The following CNTNAP3B variants were observed in gnomAD, a reference collection of about 807,000 sequenced individuals.
CNTNAP3B encodes contactin-associated protein-like 3B.
In CNTNAP3B, 25 loss-of-function variants were observed where a neutral mutation model predicts 108.9. The observed-to-expected ratio is 0.23, with a 90% CI of 0.17 to 0.32. CNTNAP3B has a LOEUF of 0.32. CNTNAP3B is among the 10% of genes least tolerant of loss of function. The pLI is 1.00. For synonymous variants in CNTNAP3B, 103 were observed against 473.4 expected (o/e 0.22, Z 10.16); for missense variants, 252 against 1,210.4 (o/e 0.21, Z 11.75).
intron 1 of CNTNAP3B, among the ~76,000 whole-genome samples, chr9:42,110,606 C>T (rs1468967415): frequency 1.5e-5 from 2 of 137,306 alleles, no homozygotes; most frequent in African/African-American, 5.8e-5. Flanking sequence ...TCACTAACTC[C>T]ACAGCAGGCT....
chr9:41,931,979 A>G (rs1436503146), intron 14 of CNTNAP3B, among the ~76,000 whole-genome samples: 1 of 152,204 alleles, frequency 6.6e-6, no homozygotes, highest in African/African-American at 2.4e-5. Flanking sequence ...GGCAGATACT[A>G]TAATAAAGTC....
intron 2 of CNTNAP3B, among the ~76,000 whole-genome samples, chr9:42,086,398 A>AATT (rs1554755511): frequency 5.4e-4 from 54 of 99,312 alleles, no homozygotes; most frequent in Non-Finnish European, 8.7e-4. Flanking sequence ...ATATATATAA[A>AATT]TTTTTTTTAC....
chr9:42,086,632 A>C (rs1304108441), intron 2 of CNTNAP3B, among the ~76,000 whole-genome samples: 1 of 84,958 alleles, frequency 1.2e-5, no homozygotes, highest in African/African-American at 5.6e-5. Flanking sequence ...TTTAGTGGAC[A>C]CTGGGTTTCG....
intron 13 of CNTNAP3B, among the ~76,000 whole-genome samples, chr9:41,940,232 C>A (rs1373162279): frequency 2.0e-5 from 3 of 152,292 alleles, no homozygotes; most frequent in Non-Finnish European, 4.4e-5. Flanking sequence ...AAGATACAAA[C>A]CCACAGATTT....
chr9:41,945,467 G>A (rs953785672), intron 13 of CNTNAP3B, among the ~76,000 whole-genome samples: 6 of 152,308 alleles, frequency 3.9e-5, no homozygotes, highest in African/African-American at 1.4e-4. Flanking sequence ...TCCTTTGTAG[G>A]GCCATGGATG....
At chr9:41,942,874 T>G (rs1824402936) in intron 13 of CNTNAP3B, among the ~76,000 whole-genome samples, 1 of 152,228 alleles carries the variant, frequency 6.6e-6, no homozygotes, top group African/African-American at 2.4e-5. Flanking sequence ...GCCTAACTAC[T>G]AACCAGATAA....
At chr9:41,977,620 CT>C (rs1174385380) in intron 9 of CNTNAP3B, among the ~76,000 whole-genome samples, 34 of 116,512 alleles carry the variant, frequency 2.9e-4, no homozygotes, top group East Asian at 4.8e-4. Flanking sequence ...TGAATTTTAC[CT>C]TTTTTTTTTT....
chr9:41,937,796 T>G (rs1285725761), intron 14 of CNTNAP3B, among the ~76,000 whole-genome samples: 1 of 152,022 alleles, frequency 6.6e-6, no homozygotes, highest in Non-Finnish European at 1.5e-5. Flanking sequence ...AGTCCTTTTA[T>G]GCAGGACCTC....
chr9:42,015,597 G>A, intron 3 of CNTNAP3B, among the ~76,000 whole-genome samples: 1 of 67,172 alleles, frequency 1.5e-5, no homozygotes, highest in South Asian at 4.7e-4. Flanking sequence ...GATAACACCT[G>A]GAAATCAATC....
At chr9:41,928,595 C>T (rs1302090581) in intron 15 of CNTNAP3B, among the ~76,000 whole-genome samples, 1 of 152,292 alleles carries the variant, frequency 6.6e-6, no homozygotes, top group Admixed American at 6.5e-5. Context: ...GCTCAGGCTC[C>T]TTGTTGAACC....
In CNTNAP3B at chr9:41,986,191, G is replaced by C. The variant is rs1293449999; in HGVS notation, c.1454C>G (p.Ser485Ter). Residue 485 changes from serine to a stop codon, truncating the protein, a stop_gained, in exon 9 of 24, where the codon TCA becomes TGA. Transcript: ENST00000377561. LOFTEE classifies it high-confidence loss of function. ...VQPLVAVLID[S>*]GDTYYFGGCL... is the part of the protein sequence containing the mutation. ...ACCTCCAAAATAATAGGTGTCACCT[G>C]AATCAATGAGCACAGCCACCAGGGG... 8.9e-7 allele frequency: 1 copy of C among 1,125,990 alleles called. No individual in the cohort carries two copies. Among genetic ancestry groups the C allele is most frequent in the Non-Finnish European group, 1.2e-6 (1 of 837,570 alleles). The allele number at this position is 1,125,990 out of a possible 1,614,324, so 69.7% of individuals were successfully genotyped here. A position where few individuals can be genotyped will look rare whatever the true frequency, so the allele number is the denominator to read the frequency against.
At chr9:41,954,255 C>T (rs1289844595) in intron 12 of CNTNAP3B, among the ~76,000 whole-genome samples, 18 of 152,244 alleles carry the variant, frequency 1.2e-4, no homozygotes, top group South Asian at 2.1e-4. Flanking sequence ...TTAAGAACTA[C>T]GAAACAAAAC....
At position 41,913,638 on chromosome 9, in the gene CNTNAP3B, C is replaced by A. The variant is rs560170703; in HGVS notation, c.2996-4857G>T. On this transcript the variant is annotated intron_variant, in intron 18 of 23. Transcript: ENST00000377561. ...TGATATCCAAAATTTTTCATCTTCC[C>A]AAAATTAAACTCTATTCATTAAGCA... 4.8e-4 allele frequency among the ~76,000 whole-genome samples: 67 copies of A among 140,636 alleles called. 5 individuals are homozygous for A. Among genetic ancestry groups the A allele is most frequent in the Non-Finnish European group, 8.0e-4 (52 of 65,008 alleles). 92.3% of individuals were successfully genotyped at this position (140,636 alleles called of 152,430 possible). A position where few individuals can be genotyped will look rare whatever the true frequency, so the allele number is the denominator to read the frequency against.
At chr9:41,926,953 A>T (rs1390611660) in intron 15 of CNTNAP3B, among the ~76,000 whole-genome samples, 729 of 149,264 alleles carry the variant, frequency 4.9e-3, no homozygotes, top group African/African-American at 0.017. Flanking sequence ...TCAGAGTATC[A>T]ATAGGCAGGG....
rs1314081616 is a variant in CNTNAP3B, at chr9:42,119,554, G to A, written c.85+9456C>T. On this transcript the variant is annotated intron_variant, in intron 1 of 23. Transcript: ENST00000377561. Reference sequence around the variant, plus strand: ...CTAAGCCAAAAGAACAAAGCTGGAGGCATCACACTACCTGACTTCAAACTA... The same window carrying A: ...CTAAGCCAAAAGAACAAAGCTGGAGACATCACACTACCTGACTTCAAACTA... Among the ~76,000 whole-genome samples the A allele has an allele frequency of 4.9e-4, 62 of 127,440 alleles. 5 individuals carry two copies. The highest frequency in any genetic ancestry group is 1.9e-3 in the African/African-American group (60 of 31,386). 83.6% of individuals were successfully genotyped at this position (127,440 alleles called of 152,430 possible). A position where few individuals can be genotyped will look rare whatever the true frequency, so the allele number is the denominator to read the frequency against.
intron 15 of CNTNAP3B, 105 bp downstream of exon 15, chr9:41,929,212 G>C: frequency 7.0e-7 from 1 of 1,431,304 alleles, no homozygotes; most frequent in Non-Finnish European, 9.2e-7. Context: ...CCCAGTCCTA[G>C]TACTGCCACT....
chr9:42,066,107 G>T (rs1195179512), intron 3 of CNTNAP3B, among the ~76,000 whole-genome samples: 3 of 133,936 alleles, frequency 2.2e-5, no homozygotes, highest in African/African-American at 9.0e-5. Context: ...GTAAAATTTT[G>T]AATTACATCA....
intron 1 of CNTNAP3B, among the ~76,000 whole-genome samples, chr9:42,128,635 GT>G (rs1218055074): frequency 8.8e-6 from 1 of 114,060 alleles, no homozygotes. Flanking sequence ...ATGTCTGCCA[GT>G]TTTTTCCCTG....
intron 10 of CNTNAP3B, among the ~76,000 whole-genome samples, chr9:41,964,912 T>G: frequency 6.6e-6 from 1 of 152,266 alleles, no homozygotes; most frequent in Non-Finnish European, 1.5e-5. Context: ...CACAATAACT[T>G]GACATGTGGC....
Sources: gnomAD v4.1 joint callset for allele counts (sites outside exome capture counted in the v4.1 genomes callset) on GRCh38, gnomAD v4.1.1 for gene constraint, MANE v1.5 for transcripts, NCBI Gene and HGNC (gene_info 2026-07-23, HGNC 2026-07-21) for gene names.